TRAPPC9: variants seen among roughly 807,000 people sequenced by gnomAD.
The protein encoded by TRAPPC9 is IKK2 binding protein.
In TRAPPC9, 83 loss-of-function variants were observed where a neutral mutation model predicts 124.0. The observed-to-expected ratio is 0.67, with a 90% CI of 0.56 to 0.80. The LOEUF (loss-of-function observed/expected upper bound fraction) is 0.80, where lower values mean the gene tolerates loss of function less well. Ranked by LOEUF, TRAPPC9 falls within the 30% of genes least tolerant of loss-of-function variation. The pLI, the probability that TRAPPC9 is intolerant of heterozygous loss-of-function variation, is 0.00. For synonymous variants in TRAPPC9, 638 were observed against 617.5 expected (o/e 1.03, Z -0.49); for missense variants, 1,302 against 1,508.3 (o/e 0.86, Z 2.27).
chr8:140,326,980 G>A (rs1261510997), intron 9 of TRAPPC9, among the ~76,000 whole-genome samples: 9 of 152,124 alleles, frequency 5.9e-5, no homozygotes, highest in Non-Finnish European at 1.3e-4. Context: ...GGCCGGGCGC[G>A]GTGGCTCATG....
intron 17 of TRAPPC9, among the ~76,000 whole-genome samples, chr8:140,111,465 G>A (rs749978835): frequency 6.6e-5 from 10 of 152,150 alleles, no homozygotes; most frequent in Non-Finnish European, 1.3e-4. Flanking sequence ...GGGGAAGCAG[G>A]AGCACAGAGA....
intron 21 of TRAPPC9, among the ~76,000 whole-genome samples, chr8:139,842,598 G>C (rs61330904): frequency 2.0e-5 from 3 of 151,742 alleles, no homozygotes; most frequent in Non-Finnish European, 4.4e-5. Flanking sequence ...CTTCGTGCCC[G>C]GGGCCATGAT....
chr8:140,223,264 T>G (rs994982704), intron 16 of TRAPPC9, among the ~76,000 whole-genome samples: 5 of 152,178 alleles, frequency 3.3e-5, no homozygotes, highest in African/African-American at 1.2e-4. Context: ...AGACAGAACA[T>G]GCGGTGTTTG....
At chr8:140,354,088 C>T in intron 9 of TRAPPC9, among the ~76,000 whole-genome samples, 1 of 152,184 alleles carries the variant, frequency 6.6e-6, no homozygotes, top group East Asian at 1.9e-4. Context: ...GAACTGTCAA[C>T]AATTTAGTAC....
intron 17 of TRAPPC9, among the ~76,000 whole-genome samples, chr8:140,130,797 G>A (rs1205039856): frequency 6.6e-6 from 1 of 152,136 alleles, no homozygotes; most frequent in Non-Finnish European, 1.5e-5. Context: ...GCGGACTGAG[G>A]GGGTTCTTTG....
intron 21 of TRAPPC9, among the ~76,000 whole-genome samples, chr8:139,766,349 C>T (rs1284291494): frequency 6.6e-6 from 1 of 152,160 alleles, no homozygotes; most frequent in Non-Finnish European, 1.5e-5. Flanking sequence ...CCCCTGTGGC[C>T]CCTCATGCTG....
At chr8:140,384,577 A>G (rs2068702528) in intron 7 of TRAPPC9, among the ~76,000 whole-genome samples, 1 of 152,208 alleles carries the variant, frequency 6.6e-6, no homozygotes, top group South Asian at 2.1e-4. Context: ...CCATTACATA[A>G]TGGCATAATG....
intron 21 of TRAPPC9, among the ~76,000 whole-genome samples, chr8:139,739,258 G>A (rs1020754929): frequency 5.9e-5 from 9 of 152,230 alleles, no homozygotes; most frequent in East Asian, 1.9e-4. Context: ...GGAAACGTCC[G>A]GTGCCCATGC....
intron 18 of TRAPPC9, among the ~76,000 whole-genome samples, chr8:140,011,701 G>T (rs1342079899): frequency 9.6e-6 from 1 of 104,064 alleles, no homozygotes; most frequent in African/African-American, 3.9e-5. Context: ...TTTTTTTGAC[G>T]GAGTCTTGCT....
In TRAPPC9 at chr8:139,864,970, T is replaced by C. The variant is rs770234496; in HGVS notation, c.3055+20909A>G. ...CCATGTCTGAACATTGCCCGGAAGC[T>C]CACGTGAAACTTTGGAACTAAGAAT... On this transcript the variant is annotated intron_variant, in intron 21 of 22. Coordinates refer to ENST00000438773, the MANE Select transcript of TRAPPC9 (RefSeq NM_001160372.4). Among the ~76,000 whole-genome samples the C allele has an allele frequency of 4.0e-4, 61 of 152,220 alleles. 1 individual carries two copies. The highest frequency in any genetic ancestry group is 7.1e-4 in the Non-Finnish European group (48 of 67,996).
chr8:139,845,123 C>T (rs1254955662), intron 21 of TRAPPC9, among the ~76,000 whole-genome samples: 2 of 152,202 alleles, frequency 1.3e-5, no homozygotes, highest in African/African-American at 4.8e-5. Context: ...GATGATGTCG[C>T]CTTTAAGGAG....
chr8:140,154,529 C>T (rs2061598084), intron 17 of TRAPPC9, among the ~76,000 whole-genome samples: 1 of 152,118 alleles, frequency 6.6e-6, no homozygotes, highest in Non-Finnish European at 1.5e-5. Context: ...ACTGTGTGTT[C>T]AATTCTTCCC....
intron 16 of TRAPPC9, among the ~76,000 whole-genome samples, chr8:140,227,814 A>G (rs981995623): frequency 4.6e-5 from 7 of 152,238 alleles, no homozygotes; most frequent in Non-Finnish European, 8.8e-5. Context: ...TCTCTTACCA[A>G]TTCTACAGAT....
At chr8:139,783,334 G>A (rs898502782) in intron 21 of TRAPPC9, among the ~76,000 whole-genome samples, 2 of 152,078 alleles carry the variant, frequency 1.3e-5, no homozygotes, top group Admixed American at 6.5e-5. Context: ...TCAATATCAC[G>A]ATAAAAGAGA....
At chr8:139,867,026 G>A (rs955461339) in intron 21 of TRAPPC9, among the ~76,000 whole-genome samples, 1 of 152,106 alleles carries the variant, frequency 6.6e-6, no homozygotes, top group Non-Finnish European at 1.5e-5. Context: ...GTAGAGATGG[G>A]GTTTCACCAT....
intron 9 of TRAPPC9, among the ~76,000 whole-genome samples, chr8:140,349,198 A>G (rs1191020446): frequency 2.1e-4 from 15 of 71,120 alleles, no homozygotes; most frequent in African/African-American, 3.4e-4. Context: ...GGGCCGAAGG[A>G]GGCGGGCGAG....
chr8:139,834,810 C>T (rs768869476), intron 21 of TRAPPC9, among the ~76,000 whole-genome samples: 1 of 152,146 alleles, frequency 6.6e-6, no homozygotes, highest in Non-Finnish European at 1.5e-5. Flanking sequence ...CATCATCAGG[C>T]GCATTTCAGG....
intron 19 of TRAPPC9, among the ~76,000 whole-genome samples, chr8:139,980,281 G>A (rs1836801978): frequency 6.6e-6 from 1 of 152,188 alleles, no homozygotes; most frequent in Non-Finnish European, 1.5e-5. Flanking sequence ...AATCTTCTCT[G>A]TTCACTAAGC....
At chr8:140,206,435 T>C (rs893969960) in intron 17 of TRAPPC9, among the ~76,000 whole-genome samples, 5 of 152,210 alleles carry the variant, frequency 3.3e-5, no homozygotes, top group African/African-American at 1.2e-4. Flanking sequence ...TCATAGGATA[T>C]CTTATGCCTT....
Sources: allele counts gnomAD v4.1 joint callset (sites outside exome capture counted in the v4.1 genomes callset), GRCh38; gene constraint gnomAD v4.1.1; transcripts MANE v1.5; gene names NCBI Gene and HGNC (gene_info 2026-07-23, HGNC 2026-07-21).